The following SERAC1 variants were observed in gnomAD, a reference collection of about 807,000 sequenced individuals.
SERAC1 encodes the protein serine active site containing 1, also known as protein SERAC1.
Under a neutral mutation model 85.7 loss-of-function variants are expected in SERAC1, and 36 were observed. That is an observed-to-expected ratio of 0.42 (90% CI 0.32 to 0.55). SERAC1 has a LOEUF of 0.55. Ranked by LOEUF, SERAC1 falls within the 20% of genes least tolerant of loss-of-function variation. The pLI is 0.11. For synonymous variants in SERAC1, 242 were observed against 265.3 expected (o/e 0.91, Z 0.85); for missense variants, 629 against 796.2 (o/e 0.79, Z 2.53).
intron 10 of SERAC1, among the ~76,000 whole-genome samples, chr6:158,121,148 T>G (rs1052350373): frequency 1.4e-4 from 21 of 152,118 alleles, no homozygotes; most frequent in Non-Finnish European, 2.5e-4. Flanking sequence ...TTAATGTTTT[T>G]GTTTTTAAAA....
intron 1 of SERAC1, among the ~76,000 whole-genome samples, chr6:158,166,964 C>T (rs1386671068): frequency 2.0e-5 from 3 of 151,940 alleles, no homozygotes; most frequent in African/African-American, 7.3e-5. Context: ...ACCATTGTAT[C>T]CCAAGCGTCT....
chr6:158,147,577 G>A (rs1416245710), intron 5 of SERAC1, among the ~76,000 whole-genome samples: 10 of 149,160 alleles, frequency 6.7e-5, no homozygotes, highest in South Asian at 4.2e-4. Context: ...TGGCTAACAC[G>A]GTGAAACCCT....
intron 5 of SERAC1, 79 bp downstream of exon 5, chr6:158,148,786 G>GA: frequency 1.9e-6 from 2 of 1,034,582 alleles, no homozygotes; most frequent in Non-Finnish European, 2.8e-6. Context: ...TATAAGAAAT[G>GA]AAAAAAAGTA....
intron 13 of SERAC1, chr6:158,116,789 A>G (rs767292041): frequency 2.7e-4 from 41 of 153,620 alleles, no homozygotes; most frequent in Non-Finnish European, 5.1e-4. Flanking sequence ...TGGTCTCTCT[A>G]CTGGTAGTTA....
At chr6:158,131,412 T>A (rs908374301) in intron 8 of SERAC1, among the ~76,000 whole-genome samples, 1 of 147,060 alleles carries the variant, frequency 6.8e-6, no homozygotes, top group Non-Finnish European at 1.5e-5. Flanking sequence ...ATATTTATAT[T>A]TATATTTTTA....
In SERAC1 at chr6:158,158,380, A is replaced by G; in HGVS notation, c.-1-16T>C. 1 of 1,567,596 alleles carries G rather than the reference A, an allele frequency of 6.4e-7. No homozygotes were observed. On this transcript the variant is annotated splice_polypyrimidine_tract_variant and intron_variant, in intron 1 of 16. Coordinates refer to ENST00000647468, the MANE Select transcript of SERAC1 (RefSeq NM_032861.4). Reference sequence around the variant, plus strand: ...CAGGGACATTCTGTGTAAGTAGAACAATTACAACAAATTTAATTTAGCATC... The same window carrying G: ...CAGGGACATTCTGTGTAAGTAGAACGATTACAACAAATTTAATTTAGCATC...
chr6:158,162,276 T>C (rs958143478), intron 1 of SERAC1: 2 of 152,196 alleles, frequency 1.3e-5, no homozygotes, highest in Non-Finnish European at 2.9e-5. Flanking sequence ...CTGTAAAGGG[T>C]TGTTACAAAT....
At chr6:158,115,682 T>C (rs1200692338) in intron 14 of SERAC1, among the ~76,000 whole-genome samples, 2 of 152,030 alleles carry the variant, frequency 1.3e-5, no homozygotes, top group East Asian at 3.9e-4. Flanking sequence ...GGCCATTCCA[T>C]AAGCAACCAC....
intron 1 of SERAC1, chr6:158,158,642 C>T: frequency 3.8e-6 from 1 of 259,962 alleles, no homozygotes; most frequent in South Asian, 6.5e-5. Context: ...AAATATGATA[C>T]AATCATTCCC....
rs746623547 is a variant in SERAC1 at position 158,113,453 on chromosome 6, T to TG, written c.1823dup (p.Ala609SerfsTer14). The TG allele has an allele frequency of 2.9e-5, 46 of 1,611,430 alleles. No homozygotes were observed. The highest frequency in any genetic ancestry group is 3.4e-5 in the Non-Finnish European group (40 of 1,178,160). ...AAGTTTCAAAAGAGTGAATACCTGC[T>TG]GATTCCACAGGTACCACATGGAGCT... On this transcript the variant is annotated frameshift_variant, in exon 16 of 17. Coordinates refer to ENST00000647468, the MANE Select transcript of SERAC1 (RefSeq NM_032861.4). LOFTEE classifies it high-confidence loss of function.
chr6:158,162,235 C>T (rs1001737369), intron 1 of SERAC1: 20 of 152,208 alleles, frequency 1.3e-4, no homozygotes, highest in Middle Eastern at 3.2e-3. Flanking sequence ...TCACTTTCCT[C>T]ATCTATAAAA....
chr6:158,143,347 CTATATATATA>C (rs753604114), intron 7 of SERAC1, among the ~76,000 whole-genome samples, 163 bp from the exon 8 acceptor site: 929 of 46,288 alleles, frequency 0.02, 8 homozygotes, highest in Middle Eastern at 0.092. Context: ...CTCTCTCTCT[CTATATATATA>C]TATATATATA....
chr6:158,129,462 C>A (rs879296247), intron 9 of SERAC1, among the ~76,000 whole-genome samples: 1 of 152,176 alleles, frequency 6.6e-6, no homozygotes, highest in Admixed American at 6.5e-5. Context: ...GACTCCACAC[C>A]AAATCTATGA....
chr6:158,114,725 T>C, intron 15 of SERAC1, 64 bp downstream of exon 15: 1 of 666,156 alleles, frequency 1.5e-6, no homozygotes, highest in Non-Finnish European at 2.1e-6. Flanking sequence ...AAGAAACTTT[T>C]TCTTCTTCTC....
intron 1 of SERAC1, chr6:158,161,492 G>A (rs748682280): frequency 6.6e-6 from 1 of 151,892 alleles, no homozygotes; most frequent in Admixed American, 6.6e-5. Flanking sequence ...GATATTTCTT[G>A]TTGCTCAGGA....
At chr6:158,113,818 A>G (rs1325188378) in intron 15 of SERAC1, among the ~76,000 whole-genome samples, 1 of 152,166 alleles carries the variant, frequency 6.6e-6, no homozygotes, top group African/African-American at 2.4e-5. Context: ...TTATCACATT[A>G]CTGGGGGCAG....
rs769568348 is a variant in SERAC1 at position 158,111,385 on chromosome 6, G to T, written c.1946C>A (p.Ala649Asp). ...RTLQFIREAL[A>D]KDLEN The stretch of plus-strand genomic sequence containing the variant: ...CAACTGTTAGTTTTCAAGGTCTTTG[G>T]CTAAAGCTTCACGAATGAATTGTAA... Residue 649 changes from alanine to aspartate, a missense_variant, in exon 17 of 17, where the codon GCC becomes GAC. Coordinates refer to ENST00000647468, the MANE Select transcript of SERAC1 (RefSeq NM_032861.4). 4.4e-6 allele frequency: 7 copies of T among 1,597,804 alleles called. No homozygotes were observed. In the South Asian group the frequency reaches 8.0e-5, roughly 18 times the overall value.
In SERAC1 at chr6:158,125,941, C is replaced by A. The variant is rs149465100; in HGVS notation, c.1015+2167G>T. ...ACAACAGAATTTAAAAACAAACACT[C>A]AAGTAATACAAGAAGTCAGAAAAAA... is the stretch of plus-strand genomic sequence containing the variant. On this transcript the variant is annotated intron_variant, in intron 10 of 16. Transcript: ENST00000647468. 3.9e-3 allele frequency among the ~76,000 whole-genome samples: 590 copies of A among 151,914 alleles called. 5 individuals carry two copies. The highest frequency in any genetic ancestry group is 0.014 in the African/African-American group (565 of 41,426).
intron 10 of SERAC1, among the ~76,000 whole-genome samples, chr6:158,124,782 C>CAT (rs1554262136): frequency 3.1e-5 from 4 of 129,772 alleles, no homozygotes; most frequent in East Asian, 5.8e-4. Context: ...CACACACACA[C>CAT]ACACACATAC....
Sources: gnomAD v4.1 joint callset for allele counts (sites outside exome capture counted in the v4.1 genomes callset) on GRCh38, gnomAD v4.1.1 for gene constraint, MANE v1.5 for transcripts, NCBI Gene and HGNC (gene_info 2026-07-23, HGNC 2026-07-21) for gene names.